The following SMURF2 variants were observed in gnomAD, a reference collection of about 807,000 sequenced individuals.
SMURF2 encodes the protein E3 ubiquitin-protein ligase SMURF2.
SMURF2 carries 48 observed loss-of-function variants against 109.6 expected under a neutral mutation model. The observed-to-expected ratio is 0.44, with a 90% CI of 0.35 to 0.56. The LOEUF (loss-of-function observed/expected upper bound fraction) is 0.56, where lower values mean the gene tolerates loss of function less well. Ranked by LOEUF, SMURF2 falls within the 20% of genes least tolerant of loss-of-function variation. SMURF2 has a pLI of 0.01. For synonymous variants in SMURF2, 288 were observed against 317.1 expected, an observed-to-expected ratio of 0.91 and a Z score of 0.97; for missense variants, 575 against 909.0, an observed-to-expected ratio of 0.63 and a Z score of 4.72.
chr17:64,571,657 G>T, intron 10 of SMURF2, 141 bp downstream of exon 10: 1 of 810,616 alleles, frequency 1.2e-6, no homozygotes, highest in Non-Finnish European at 1.9e-6. Context: ...GGCCTCAAGT[G>T]ATCCTGCTGC....
At chr17:64,561,668 C>T (rs1467059971) in intron 11 of SMURF2, 65 bp from the exon 12 acceptor site, 5 of 1,212,860 alleles carry the variant, frequency 4.1e-6, no homozygotes, top group Non-Finnish European at 4.6e-6. Flanking sequence ...CTTAATCTCT[C>T]CCTGCCAATC....
In SMURF2 at chr17:64,557,706, A is replaced by C; in HGVS notation, c.1333T>G (p.Leu445Val). The change falls in exon 13 of 19, where the codon TTG becomes GTG. Residue 445 changes from leucine (L) to valine (V), a missense_variant. Leu to Val is a conservative substitution (Grantham distance 32). Around this residue, in one of 5 missense-constraint regions of SMURF2, gnomAD observed 361 missense variants for 612.1 expected, o/e 0.59. Transcript: ENST00000262435. ...GGVAREWLYLLSHEMLNPYYG... is the reference protein window; with the variant it reads ...GGVAREWLYLVSHEMLNPYYG... ...TATGGATTCAACATTTCATGTGACA[A>C]GAGATACAACCATTCCCTAGAAAAC... 6.2e-7 allele frequency: 1 copy of C among 1,608,752 alleles called. No homozygotes were observed. The highest frequency in any genetic ancestry group is 1.1e-5 in the South Asian group (1 of 90,540).
intron 9 of SMURF2, among the ~76,000 whole-genome samples, chr17:64,573,791 C>T (rs1036608025): frequency 1.3e-5 from 2 of 152,164 alleles, no homozygotes; most frequent in Non-Finnish European, 2.9e-5. Context: ...GCATGAGCCA[C>T]TGCACCGGCC....
At chr17:64,567,635 C>T (rs566736326) in intron 10 of SMURF2, among the ~76,000 whole-genome samples, 1 of 152,328 alleles carries the variant, frequency 6.6e-6, no homozygotes, top group South Asian at 2.1e-4. Context: ...TCAGGCCACA[C>T]ATAAAATACA....
At chr17:64,614,863 C>T (rs1555689970) in intron 1 of SMURF2, among the ~76,000 whole-genome samples, 2 of 152,180 alleles carry the variant, frequency 1.3e-5, no homozygotes. Context: ...ATTCAAATAC[C>T]ATGTCATAAA....
intron 1 of SMURF2, chr17:64,660,669 AAACAT>A (rs1970763012): frequency 6.6e-6 from 1 of 152,242 alleles, no homozygotes; most frequent in South Asian, 2.1e-4. Flanking sequence ...TAGTGTGGGC[AAACAT>A]AATTACAGTT....
At position 64,581,068 on chromosome 17, in the gene SMURF2, C is replaced by T. The variant is rs1969573217; in HGVS notation, c.570-77G>A. 6 of 1,261,998 alleles carry T rather than the reference C, an allele frequency of 4.8e-6. No homozygotes were observed. The highest frequency in any genetic ancestry group is 1.1e-6 in the Non-Finnish European group (1 of 878,156). 78.2% of individuals were successfully genotyped at this position (1,261,998 alleles called of 1,614,324 possible). A position where few individuals can be genotyped will look rare whatever the true frequency, so the allele number is the denominator to read the frequency against. ...GAGTTCTCTAGACAATATATATATACTGCAGTAACAACCACTTATCATGTC... is the reference window on the plus strand; with the variant it reads ...GAGTTCTCTAGACAATATATATATATTGCAGTAACAACCACTTATCATGTC... On this transcript the variant is annotated intron_variant, in intron 7 of 18. Transcript: ENST00000262435. The surrounding 1 kb of genome is among the most constrained non-coding windows in gnomAD (Gnocchi z 4.3).
At chr17:64,610,753 A>G (rs1000438457) in intron 1 of SMURF2, among the ~76,000 whole-genome samples, 1 of 152,188 alleles carries the variant, frequency 6.6e-6, no homozygotes, top group Non-Finnish European at 1.5e-5. Context: ...CTTAAAGTAT[A>G]ATTTTAAAAC....
chr17:64,621,028 G>A (rs1970194118), intron 1 of SMURF2, among the ~76,000 whole-genome samples: 1 of 152,050 alleles, frequency 6.6e-6, no homozygotes, highest in Non-Finnish European at 1.5e-5. Context: ...ATCTCACTGA[G>A]CCTTCTCTCT....
At chr17:64,629,364 C>T (rs782778554) in intron 1 of SMURF2, among the ~76,000 whole-genome samples, 2 of 152,084 alleles carry the variant, frequency 1.3e-5, no homozygotes, top group Non-Finnish European at 2.9e-5. Context: ...ATTAGCCAGG[C>T]ATGGTGGCGC....
chr17:64,606,525 C>T (rs927729234), intron 2 of SMURF2, 77 bp downstream of exon 2: 1 of 1,079,996 alleles, frequency 9.3e-7, no homozygotes, highest in African/African-American at 1.6e-5. Context: ...AGAGAAACCC[C>T]TAAACCAGAG....
intron 1 of SMURF2, among the ~76,000 whole-genome samples, chr17:64,648,265 A>G (rs1970588430): frequency 6.6e-6 from 1 of 152,074 alleles, no homozygotes; most frequent in African/African-American, 2.4e-5. Flanking sequence ...AGTGATCTTC[A>G]TTTTGTTAAG....
In SMURF2 at chr17:64,611,665, C is replaced by A. The variant is rs181900332; in HGVS notation, c.53-5025G>T. ...TGCCAACACCTTAGTCCACCATCTA[C>A]TGTCTAGGTAATTACAACATTCCCC... On this transcript the variant is annotated intron_variant, in intron 1 of 18. Transcript: ENST00000262435. 2.6e-5 allele frequency among the ~76,000 whole-genome samples: 4 copies of A among 152,318 alleles called. No individual in the cohort carries two copies. The East Asian group carries it at 7.7e-4, about 29-fold the overall frequency.
chr17:64,654,647 T>C (rs1405909269), intron 1 of SMURF2, among the ~76,000 whole-genome samples: 1 of 151,538 alleles, frequency 6.6e-6, no homozygotes, highest in East Asian at 1.9e-4. Context: ...CTGACCAACA[T>C]GGAGAAACCC....
intron 10 of SMURF2, among the ~76,000 whole-genome samples, chr17:64,569,957 T>G (rs1183423686): frequency 5.3e-5 from 8 of 152,310 alleles, no homozygotes; most frequent in Middle Eastern, 3.4e-3. Context: ...CTTCAGATAC[T>G]TTTACATTAG....
rs147170258 is a variant in SMURF2 at position 64,569,800 on chromosome 17, T to C, written c.1016+1998A>G. On this transcript the variant is annotated intron_variant, in intron 10 of 18. Transcript: ENST00000262435. Reference sequence around the variant, plus strand: ...TACCTTTATACATTAAAGTTGAAGATAGAAATATTCTACGACATAGCAATT... The same window carrying C: ...TACCTTTATACATTAAAGTTGAAGACAGAAATATTCTACGACATAGCAATT... 6.0e-4 allele frequency among the ~76,000 whole-genome samples: 91 copies of C among 152,346 alleles called. 1 individual carries two copies. The highest frequency in any genetic ancestry group is 1.6e-3 in the African/African-American group (66 of 41,590).
chr17:64,660,750 A>G (rs1198687974), intron 1 of SMURF2: 1 of 152,196 alleles, frequency 6.6e-6, no homozygotes, highest in East Asian at 1.9e-4. Context: ...CACTCACCCG[A>G]ATACAAACGT....
chr17:64,599,296 T>G (rs1476694177), intron 2 of SMURF2, among the ~76,000 whole-genome samples: 3 of 151,532 alleles, frequency 2.0e-5, no homozygotes, highest in Admixed American at 2.0e-4. Context: ...AAGTGTAGAT[T>G]CTAAACCCAT....
Position 64,562,988 on chromosome 17 carries a change from A to G in SMURF2, c.1017-22T>C, listed in dbSNP as rs781980885. On this transcript the variant is annotated intron_variant, in intron 10 of 18. Coordinates refer to ENST00000262435, the MANE Select transcript of SMURF2 (RefSeq NM_022739.4). ...CCGACTAGAAGTAAACATAGATGTTATTATTAAAGTATATCAAATTTTAAA... is the reference window on the plus strand; with the variant it reads ...CCGACTAGAAGTAAACATAGATGTTGTTATTAAAGTATATCAAATTTTAAA... 5 of 1,572,128 alleles carry G rather than the reference A, an allele frequency of 3.2e-6. No homozygotes were observed. In the African/African-American group the frequency reaches 4.1e-5, roughly 13 times the overall value.
Sources: gnomAD v4.1 joint callset for allele counts (sites outside exome capture counted in the v4.1 genomes callset) on GRCh38, gnomAD v4.1.1 for gene constraint, gnomAD v4.1.1 regional missense constraint, Gnocchi (gnomAD v3.1) non-coding constraint, MANE v1.5 for transcripts, NCBI Gene and HGNC (gene_info 2026-07-23, HGNC 2026-07-21) for gene names.